Variants in PON3 observed in about 807,000 individuals in gnomAD.
PON3 encodes the protein serum paraoxonase/lactonase 3.
In PON3, 37 loss-of-function variants were observed where a neutral mutation model predicts 36.3. The observed-to-expected ratio is 1.02, with a 90% CI of 0.78 to 1.34. PON3 has a LOEUF of 1.34. Ranked by LOEUF, PON3 falls within the 40% of genes most tolerant of loss-of-function variation. PON3 has a pLI of 0.00. For missense variants in PON3, 415 were observed against 426.5 expected (o/e 0.97, Z 0.24); for synonymous variants, 155 against 154.8 (o/e 1.00, Z -0.01).
chr7:95,381,959 A>C (rs1014191709), intron 3 of PON3, among the ~76,000 whole-genome samples: 5 of 152,170 alleles, frequency 3.3e-5, no homozygotes, highest in East Asian at 1.9e-4. Flanking sequence ...GAAGTAAAGG[A>C]CTACTCAGCA....
intron 3 of PON3, among the ~76,000 whole-genome samples, chr7:95,387,196 GTC>G (rs2116417457): frequency 6.6e-6 from 1 of 152,250 alleles, no homozygotes; most frequent in African/African-American, 2.4e-5. Flanking sequence ...ATGGCAAATT[GTC>G]TCTGTCTGCA....
chr7:95,378,379 A>C (rs1004832075), intron 3 of PON3, among the ~76,000 whole-genome samples: 6 of 152,210 alleles, frequency 3.9e-5, no homozygotes, highest in Non-Finnish European at 8.8e-5. Context: ...GCAGGCCAAC[A>C]TTCAAATTCA....
intron 3 of PON3, among the ~76,000 whole-genome samples, chr7:95,382,927 G>A (rs909489245): frequency 1.3e-5 from 2 of 152,182 alleles, no homozygotes; most frequent in Non-Finnish European, 2.9e-5. Flanking sequence ...CAATATTCCT[G>A]ATGAACATTG....
chr7:95,385,379 T>C (rs147895979), intron 3 of PON3, among the ~76,000 whole-genome samples: 44 of 152,124 alleles, frequency 2.9e-4, no homozygotes, highest in Admixed American at 1.5e-3. Context: ...AAAAAGTATA[T>C]ATACATGCAT....
rs1563612523 is a variant in PON3, at chr7:95,362,482, C to CTG, written c.784_785dup (p.Gln262HisfsTer6). 5 of 1,613,700 alleles carry CTG rather than the reference C, an allele frequency of 3.1e-6. No individual in the cohort carries two copies. The highest frequency in any genetic ancestry group is 1.7e-6 in the Non-Finnish European group (2 of 1,179,762). On this transcript the variant is annotated frameshift_variant, in exon 8 of 9. Coordinates refer to ENST00000265627, the MANE Select transcript of PON3 (RefSeq NM_000940.3). LOFTEE classifies it high-confidence loss of function. ...TCAGGTTATCCACTAAGGTGCCCAA[C>CTG]TGTATCACCTTACAACAAAGAGGGA...
At chr7:95,372,114 G>A in intron 4 of PON3, 59 bp downstream of exon 4, 1 of 1,532,840 alleles carries the variant, frequency 6.5e-7, no homozygotes, top group African/African-American at 1.4e-5. Flanking sequence ...TGAGGGGCTG[G>A]AGATAAATGG....
chr7:95,360,124 C>A lies in PON3; in HGVS notation c.914G>T (p.Arg305Leu), dbSNP rs367854595. The A allele has an allele frequency of 6.2e-7, 1 of 1,612,674 alleles. No homozygotes were observed. The highest frequency in any genetic ancestry group is 1.3e-5 in the African/African-American group (1 of 74,816). ...PEDPPGSEVL[R>L]IQNVLSEKPR... ...CTTCTCAGACAAAACATTCTGGATG[C>A]GAAGTACCTGTCGAGAAAAGATCGT... The change falls in exon 9 of 9, where the codon CGC becomes CTC. Residue 305 changes from arginine (R) to leucine (L), a missense_variant. Arg to Leu is a moderately radical substitution (Grantham distance 102). Transcript: ENST00000265627.
intron 3 of PON3, among the ~76,000 whole-genome samples, chr7:95,386,632 GA>G (rs201816522): frequency 0.018 from 2,696 of 152,276 alleles, 70 homozygotes; most frequent in African/African-American, 0.061. Flanking sequence ...CTCATTTTAT[GA>G]GGCTAGCATC....
intron 6 of PON3, among the ~76,000 whole-genome samples, chr7:95,363,151 G>A (rs1585717521): frequency 6.6e-6 from 1 of 151,490 alleles, no homozygotes; most frequent in South Asian, 2.1e-4. Context: ...TCTCTTACAA[G>A]GCCAAAAGTG....
chr7:95,371,191 ATGCATCAGTT>A (rs1808800296), intron 4 of PON3, among the ~76,000 whole-genome samples: 1 of 152,092 alleles, frequency 6.6e-6, no homozygotes, highest in African/African-American at 2.4e-5. Context: ...TTGTTTATGA[ATGCATCAGTT>A]GATAGACATT....
chr7:95,393,926 G>A (rs536879213), intron 2 of PON3, among the ~76,000 whole-genome samples: 2 of 152,110 alleles, frequency 1.3e-5, no homozygotes, highest in African/African-American at 2.4e-5. Context: ...ACAAAGTCTC[G>A]CTCTGTCGCC....
chr7:95,361,377 T>C (rs1180277625), intron 8 of PON3, among the ~76,000 whole-genome samples: 2 of 152,198 alleles, frequency 1.3e-5, no homozygotes, highest in Non-Finnish European at 2.9e-5. Context: ...TGAATTTCAG[T>C]TTCTCAAATC....
At chr7:95,390,959 C>T (rs1809305312) in intron 2 of PON3, among the ~76,000 whole-genome samples, 1 of 152,152 alleles carries the variant, frequency 6.6e-6, no homozygotes, top group Admixed American at 6.5e-5. Context: ...GAGACTTTCC[C>T]ACACACTTAT....
intron 4 of PON3, among the ~76,000 whole-genome samples, chr7:95,369,562 G>A (rs963916504): frequency 6.6e-6 from 1 of 152,198 alleles, no homozygotes; most frequent in South Asian, 2.1e-4. Context: ...ATCACCTGAG[G>A]TCAGAAGTTC....
chr7:95,366,069 C>T (rs17884044), intron 5 of PON3, among the ~76,000 whole-genome samples: 4,141 of 151,878 alleles, frequency 0.027, 109 homozygotes, highest in African/African-American at 0.066. Flanking sequence ...CAAAATTCAA[C>T]CCATAACCTT....
intron 5 of PON3, 80 bp downstream of exon 5, chr7:95,367,282 A>C: frequency 2.0e-6 from 3 of 1,536,690 alleles, no homozygotes; most frequent in Non-Finnish European, 2.7e-6. Context: ...AAGTTTAAGA[A>C]AGCCTGCTGA....
chr7:95,383,152 G>A (rs1480679138), intron 3 of PON3, among the ~76,000 whole-genome samples: 2 of 151,962 alleles, frequency 1.3e-5, no homozygotes, highest in African/African-American at 4.8e-5. Context: ...AAATTCAACA[G>A]CCCTTCATGC....
intron 3 of PON3, among the ~76,000 whole-genome samples, chr7:95,377,116 G>A (rs183612241): frequency 2.6e-4 from 40 of 152,366 alleles, no homozygotes; most frequent in Admixed American, 1.5e-3. Flanking sequence ...GGCTCGGCGG[G>A]TTCTACGCCC....
chr7:95,374,796 C>T (rs1562772635), intron 3 of PON3, among the ~76,000 whole-genome samples: 2 of 152,262 alleles, frequency 1.3e-5, no homozygotes, highest in African/African-American at 2.4e-5. Context: ...CTTATCAAAA[C>T]GTCAAAAGTT....
Sources: gnomAD v4.1 joint callset for allele counts (sites outside exome capture counted in the v4.1 genomes callset) on GRCh38, gnomAD v4.1.1 for gene constraint, MANE v1.5 for transcripts, NCBI Gene and HGNC (gene_info 2026-07-23, HGNC 2026-07-21) for gene names.